NLRP4: variants seen among roughly 807,000 people sequenced by gnomAD.
NLRP4 encodes NLR family pyrin domain containing 4.
In NLRP4, 44 loss-of-function variants were observed where a neutral mutation model predicts 84.7. The ratio of observed to expected loss-of-function variants is 0.52; its 90% CI spans 0.41 to 0.67. The LOEUF is 0.67. Ranked by LOEUF, NLRP4 falls within the 30% of genes least tolerant of loss-of-function variation. The probability of loss-of-function intolerance (pLI) is 0.00; values close to 1 mark genes in which losing one functional copy is unlikely to be tolerated. For synonymous variants in NLRP4, 544 were observed against 476.4 expected, an observed-to-expected ratio of 1.14 and a Z score of -1.85; for missense variants, 1,260 against 1,219.4, an observed-to-expected ratio of 1.03 and a Z score of -0.50.
In NLRP4 at chr19:55,858,567, A is replaced by G; in HGVS notation, c.1174A>G (p.Thr392Ala). 1 of 1,614,094 alleles carries G rather than the reference A, an allele frequency of 6.2e-7. No homozygotes were observed. The highest frequency in any genetic ancestry group is 8.5e-7 in the Non-Finnish European group (1 of 1,179,998). Residue 392 changes from threonine (T) to alanine (A), a missense_variant, in exon 3 of 10, where the codon ACC (threonine) becomes GCC (alanine). By Grantham distance (58) the Thr-to-Ala change is moderately conservative. This residue lies in a region of NLRP4 where 712 missense variants were observed against 669.2 expected (regional missense o/e 1.06). Transcript: ENST00000301295. The surrounding 1 kb of genome is among the most constrained non-coding windows in gnomAD (Gnocchi z 4.2). ...GGGTGCCGAGGGCCCGACTCCGCAA[A>G]CCCAGCACCAGCTGAAGGCCCTGTG... Reference protein sequence around the residue: ...PEGAEGPTPQTQHQLKALCSL... With the variant: ...PEGAEGPTPQAQHQLKALCSL...
Position 55,849,917 on chromosome 19 carries a change from G to A in NLRP4, c.-65-2099G>A, listed in dbSNP as rs369362696. On this transcript the variant is annotated intron_variant, in intron 1 of 9. Transcript: ENST00000301295. ...GGCCGGCGGTGTAATTTCCGTAGCC[G>A]CGGTGTAATTTCCGTAGCCGCGGTG... Among the ~76,000 whole-genome samples the A allele has an allele frequency of 1.5e-3, 224 of 144,578 alleles. 7 individuals carry two copies. Among genetic ancestry groups the A allele is most frequent in the East Asian group, 0.01 (49 of 4,890 alleles). The allele number at this position is 144,578 out of a possible 152,430, so 94.8% of individuals were successfully genotyped here.
chr19:55,849,065 A>T (rs6509965), intron 1 of NLRP4, among the ~76,000 whole-genome samples: 31,985 of 152,084 alleles, frequency 0.21, 6,238 homozygotes, highest in African/African-American at 0.52. Flanking sequence ...AGTCTTGGGT[A>T]ATGTCTCTAT....
intron 1 of NLRP4, among the ~76,000 whole-genome samples, chr19:55,851,451 G>GAGGC (rs1984134482): frequency 5.9e-5 from 2 of 33,796 alleles, no homozygotes; most frequent in Admixed American, 2.9e-4. Context: ...TGTAATGTCC[G>GAGGC]TGGCTGCGGT....
intron 2 of NLRP4, chr19:55,857,326 TGTG>T: frequency 1.4e-5 from 1 of 72,360 alleles, no homozygotes; most frequent in Non-Finnish European, 2.2e-5. Flanking sequence ...TAGCAATGAA[TGTG>T]TGTGTGTGTG....
At chr19:55,843,185 A>G (rs117174272) in intron 1 of NLRP4, among the ~76,000 whole-genome samples, 1,546 of 152,278 alleles carry the variant, frequency 0.01, 16 homozygotes, top group Non-Finnish European at 0.017. Flanking sequence ...CTGTCAACAT[A>G]ATGGCACAAC....
intron 5 of NLRP4, among the ~76,000 whole-genome samples, chr19:55,864,532 C>T (rs549241898): frequency 6.6e-6 from 1 of 152,278 alleles, no homozygotes; most frequent in South Asian, 2.1e-4. Context: ...TATGAACACT[C>T]ATGTGTGAAC....
At chr19:55,857,002 A>G (rs1984460395) in intron 2 of NLRP4, among the ~76,000 whole-genome samples, 1 of 152,202 alleles carries the variant, frequency 6.6e-6, no homozygotes, top group Non-Finnish European at 1.5e-5. Flanking sequence ...CCTATATGTG[A>G]AACCTATATG....
intron 9 of NLRP4, among the ~76,000 whole-genome samples, chr19:55,879,632 T>A (rs1295061739): frequency 6.6e-6 from 1 of 152,182 alleles, no homozygotes; most frequent in East Asian, 1.9e-4. Flanking sequence ...GTAGCTCTTT[T>A]CACTGGCGCA....
intron 6 of NLRP4, among the ~76,000 whole-genome samples, chr19:55,869,182 G>A (rs143843242): frequency 1.9e-3 from 284 of 151,898 alleles, no homozygotes; most frequent in Non-Finnish European, 3.7e-3. Flanking sequence ...GTGAAACCCC[G>A]TCTCTACTAA....
intron 3 of NLRP4, 64 bp from the exon 4 acceptor site, chr19:55,861,322 A>G (rs1984741429): frequency 2.2e-6 from 3 of 1,383,558 alleles, no homozygotes; most frequent in Non-Finnish European, 2.0e-6. Context: ...TAGTGCGTAT[A>G]TGTGTTACAA....
rs146872783 is a variant in NLRP4 at position 55,840,857 on chromosome 19, A to T, written c.-66+3923A>T. On this transcript the variant is annotated intron_variant, in intron 1 of 9. Coordinates refer to ENST00000301295, the MANE Select transcript of NLRP4 (RefSeq NM_134444.5). ...TCTGGTATCAATATTATGACAACAGATTTTTTTAAAAGCCTGGAATAATTC... is the reference window on the plus strand; with the variant it reads ...TCTGGTATCAATATTATGACAACAGTTTTTTTTAAAAGCCTGGAATAATTC... Among the ~76,000 whole-genome samples the T allele has an allele frequency of 1.8e-3, 273 of 152,284 alleles. 1 individual carries two copies. The highest frequency in any genetic ancestry group is 3.1e-3 in the Non-Finnish European group (210 of 68,024).
At chr19:55,848,572 T>G (rs1445244667) in intron 1 of NLRP4, among the ~76,000 whole-genome samples, 1 of 151,990 alleles carries the variant, frequency 6.6e-6, no homozygotes, top group Non-Finnish European at 1.5e-5. Context: ...TCCGGCTAAT[T>G]TTTTGTATTT....
At chr19:55,848,217 G>C (rs1029795815) in intron 1 of NLRP4, among the ~76,000 whole-genome samples, 2 of 152,096 alleles carry the variant, frequency 1.3e-5, no homozygotes, top group African/African-American at 4.8e-5. Flanking sequence ...CTCATTGCGA[G>C]ACTGGGGCTT....
chr19:55,847,126 T>C (rs1381980867), intron 1 of NLRP4, among the ~76,000 whole-genome samples: 1 of 150,920 alleles, frequency 6.6e-6, no homozygotes, highest in East Asian at 1.9e-4. Context: ...TTTTTTTAAA[T>C]TTTTCTCCAA....
At chr19:55,872,397 A>G (rs1985219421) in intron 7 of NLRP4, among the ~76,000 whole-genome samples, 2 of 152,202 alleles carry the variant, frequency 1.3e-5, no homozygotes, top group South Asian at 4.1e-4. Flanking sequence ...ACCCACAAGG[A>G]AATAAAGCTC....
intron 2 of NLRP4, among the ~76,000 whole-genome samples, chr19:55,854,294 C>G (rs1984324855): frequency 6.6e-6 from 1 of 152,112 alleles, no homozygotes; most frequent in Non-Finnish European, 1.5e-5. Context: ...ATTTAGTTCA[C>G]ATGTTTTATT....
chr19:55,837,369 A>G (rs1009855959), intron 1 of NLRP4, among the ~76,000 whole-genome samples: 1 of 152,106 alleles, frequency 6.6e-6, no homozygotes, highest in Non-Finnish European at 1.5e-5. Flanking sequence ...AAAGTTAGAA[A>G]AACCCTCGAA....
chr19:55,857,315 G>A (rs1317613179), intron 2 of NLRP4: 4 of 312,658 alleles, frequency 1.3e-5, no homozygotes, highest in Non-Finnish European at 2.3e-5. Context: ...ACTTTACGTA[G>A]TAGCAATGAA....
In NLRP4 at chr19:55,866,396, G is replaced by A. The variant is rs546362579; in HGVS notation, c.2187-1313G>A. On this transcript the variant is annotated intron_variant, in intron 5 of 9. Coordinates refer to ENST00000301295, the MANE Select transcript of NLRP4 (RefSeq NM_134444.5). Reference sequence around the variant, plus strand: ...GCATGCATGGCCTCAGAGCCCTGCTGCAGAGGCGTGAGGAGCCATGGACTC... The same window carrying A: ...GCATGCATGGCCTCAGAGCCCTGCTACAGAGGCGTGAGGAGCCATGGACTC... Among the ~76,000 whole-genome samples the A allele has an allele frequency of 2.0e-5, 3 of 152,354 alleles. No individual in the cohort carries two copies. The East Asian group carries it at 5.8e-4, about 29-fold the overall frequency.
Sources: allele counts gnomAD v4.1 joint callset (sites outside exome capture counted in the v4.1 genomes callset), GRCh38; gene constraint gnomAD v4.1.1; regional missense constraint gnomAD v4.1.1; non-coding constraint Gnocchi (gnomAD v3.1); transcripts MANE v1.5; gene names NCBI Gene and HGNC (gene_info 2026-07-23, HGNC 2026-07-21).